ZNF277: variants seen among roughly 807,000 people sequenced by gnomAD.
The protein encoded by ZNF277 is nuclear receptor-interacting factor 4.
ZNF277 carries 55 observed loss-of-function variants against 60.7 expected under a neutral mutation model. The observed-to-expected ratio is 0.91, with a 90% CI of 0.73 to 1.13. The LOEUF (loss-of-function observed/expected upper bound fraction) is 1.13. ZNF277 is among the 50% of genes most tolerant of loss of function. The pLI is 0.00. For synonymous variants in ZNF277, 178 were observed against 179.3 expected, an observed-to-expected ratio of 0.99 and a Z score of 0.06; for missense variants, 510 against 523.0, an observed-to-expected ratio of 0.98 and a Z score of 0.24.
At chr7:112,324,298 GAAAGT>G (rs1181443115) in intron 5 of ZNF277, among the ~76,000 whole-genome samples, 2 of 152,072 alleles carry the variant, frequency 1.3e-5, no homozygotes, top group Non-Finnish European at 2.9e-5. Context: ...ATATTGCACT[GAAAGT>G]AAAAAACAAA....
rs145348599 is a variant in ZNF277, at chr7:112,221,423, T to C, written c.91+14616T>C. Among the ~76,000 whole-genome samples, 782 of 152,302 alleles carry C rather than the reference T, an allele frequency of 5.1e-3. 5 individuals carry two copies. Among genetic ancestry groups the C allele is most frequent in the Non-Finnish European group, 7.1e-3 (481 of 68,030 alleles). On this transcript the variant is annotated intron_variant, in intron 1 of 11. Transcript: ENST00000361822. ...GGAAGGACCCCCGGTAACATTATCA[T>C]ATATGGCAGTGGTCCCCAACCTTCT...
chr7:112,296,479 G>C (rs1340536102), intron 4 of ZNF277, among the ~76,000 whole-genome samples, 168 bp downstream of exon 4: 1 of 150,814 alleles, frequency 6.6e-6, no homozygotes, highest in African/African-American at 2.4e-5. Context: ...GTATACACTT[G>C]ACTGAAAATT....
Position 112,209,261 on chromosome 7 carries a change from A to G in ZNF277, c.91+2454A>G, listed in dbSNP as rs186168334. Among the ~76,000 whole-genome samples the G allele has an allele frequency of 2.0e-5, 3 of 152,266 alleles. No individual in the cohort carries two copies. The East Asian group carries it at 5.8e-4, about 29-fold the overall frequency. ...TTGCCCACTGGTTGTATATTTTGGGAGAAAATTGCTGGATCAAAGGTTATG... is the reference window on the plus strand; with the variant it reads ...TTGCCCACTGGTTGTATATTTTGGGGGAAAATTGCTGGATCAAAGGTTATG... On this transcript the variant is annotated intron_variant, in intron 1 of 11. Transcript: ENST00000361822.
chr7:112,262,298 C>T (rs1384678073), intron 1 of ZNF277, among the ~76,000 whole-genome samples: 1 of 150,606 alleles, frequency 6.6e-6, no homozygotes, highest in Non-Finnish European at 1.5e-5. Flanking sequence ...ACTGCTTGCC[C>T]AGATTAATGG....
chr7:112,325,267 C>A (rs1793069162), intron 5 of ZNF277, among the ~76,000 whole-genome samples: 1 of 152,174 alleles, frequency 6.6e-6, no homozygotes, highest in African/African-American at 2.4e-5. Context: ...CTAGGGGAAC[C>A]TCACCTGAAA....
chr7:112,332,026 A>G (rs1793238142), intron 7 of ZNF277, among the ~76,000 whole-genome samples: 1 of 152,228 alleles, frequency 6.6e-6, no homozygotes, highest in African/African-American at 2.4e-5. Context: ...CAAGTAGGGT[A>G]GCTGTCAAAA....
chr7:112,258,271 CT>C (rs765645711), intron 1 of ZNF277, among the ~76,000 whole-genome samples: 2 of 149,384 alleles, frequency 1.3e-5, no homozygotes, highest in Non-Finnish European at 1.5e-5. Context: ...ATACAGAAGC[CT>C]TTTTTTTTGC....
intron 5 of ZNF277, among the ~76,000 whole-genome samples, chr7:112,318,891 T>C (rs1376642479): frequency 6.6e-6 from 1 of 152,156 alleles, no homozygotes. Flanking sequence ...ATGGGTTTGA[T>C]AATTTGCTAG....
intron 1 of ZNF277, among the ~76,000 whole-genome samples, chr7:112,212,803 C>G (rs988990110): frequency 3.3e-5 from 5 of 152,098 alleles, no homozygotes; most frequent in Non-Finnish European, 7.4e-5. Flanking sequence ...CTCTGCAAGC[C>G]TTTATATTAT....
At chr7:112,278,366 G>A (rs1489409191) in intron 1 of ZNF277, among the ~76,000 whole-genome samples, 1 of 152,088 alleles carries the variant, frequency 6.6e-6, no homozygotes, top group Non-Finnish European at 1.5e-5. Flanking sequence ...AATCTGTGTT[G>A]GGGCCCTAGA....
intron 4 of ZNF277, among the ~76,000 whole-genome samples, chr7:112,306,212 C>CTTTTTT (rs555931160): frequency 1.4e-4 from 16 of 116,892 alleles, no homozygotes; most frequent in South Asian, 2.7e-4. Flanking sequence ...TCTGAATGTT[C>CTTTTTT]TTTTTTTTTT....
chr7:112,314,572 T>A (rs186620977), intron 4 of ZNF277, among the ~76,000 whole-genome samples: 245 of 152,132 alleles, frequency 1.6e-3, no homozygotes, highest in African/African-American at 5.6e-3. Flanking sequence ...GGGAGGAGGA[T>A]CACTTGACCG....
intron 7 of ZNF277, 52 bp downstream of exon 7, chr7:112,330,268 ATCTT>A (rs748333085): frequency 5.3e-5 from 84 of 1,579,294 alleles, no homozygotes; most frequent in African/African-American, 6.7e-5. Flanking sequence ...TGCAAACAAA[ATCTT>A]TCTGAGGACC....
intron 4 of ZNF277, among the ~76,000 whole-genome samples, chr7:112,304,841 A>G (rs1792553568): frequency 6.6e-6 from 1 of 152,178 alleles, no homozygotes; most frequent in Non-Finnish European, 1.5e-5. Flanking sequence ...ACTTATTCAC[A>G]TCATGTAACT....
intron 5 of ZNF277, among the ~76,000 whole-genome samples, chr7:112,326,620 T>G (rs1363550183): frequency 6.7e-6 from 1 of 148,502 alleles, no homozygotes; most frequent in Non-Finnish European, 1.5e-5. Context: ...ACAAGGTTAA[T>G]AAATGTATCT....
intron 5 of ZNF277, among the ~76,000 whole-genome samples, chr7:112,325,231 T>A (rs1793068482): frequency 1.3e-5 from 2 of 152,154 alleles, no homozygotes; most frequent in Non-Finnish European, 1.5e-5. Context: ...GAATCCTGGG[T>A]AGTCCTGGCT....
At chr7:112,312,236 G>A (rs552434344) in intron 4 of ZNF277, among the ~76,000 whole-genome samples, 5 of 152,170 alleles carry the variant, frequency 3.3e-5, no homozygotes, top group African/African-American at 1.2e-4. Flanking sequence ...TTTTTTCTAT[G>A]CATCAGAGCT....
intron 2 of ZNF277, 38 bp from the exon 3 acceptor site, chr7:112,295,831 G>C (rs1267490418): frequency 1.3e-6 from 2 of 1,482,400 alleles, no homozygotes; most frequent in Admixed American, 3.4e-5. Flanking sequence ...ATAGTATATT[G>C]AATCTTCTCA....
intron 2 of ZNF277, among the ~76,000 whole-genome samples, chr7:112,290,433 G>A (rs1183372876): frequency 6.6e-6 from 1 of 152,062 alleles, no homozygotes; most frequent in Non-Finnish European, 1.5e-5. Context: ...CGGGACTTAG[G>A]AGTCAGTAAT....
Sources: gnomAD v4.1 joint callset for allele counts (sites outside exome capture counted in the v4.1 genomes callset) on GRCh38, gnomAD v4.1.1 for gene constraint, MANE v1.5 for transcripts, NCBI Gene and HGNC (gene_info 2026-07-23, HGNC 2026-07-21) for gene names.